Variants in CDYL observed in about 807,000 individuals in gnomAD.
CDYL encodes chromodomain Y like, also known as chromodomain Y-like protein.
Under a neutral mutation model 47.3 loss-of-function variants are expected in CDYL, and 8 were observed. The ratio of observed to expected loss-of-function variants is 0.17; its 90% CI spans 0.10 to 0.31. The LOEUF (loss-of-function observed/expected upper bound fraction) is 0.31, where lower values mean the gene tolerates loss of function less well. Among genes scored for constraint, CDYL ranks in the 10% least tolerant of loss-of-function variants. The pLI, the probability that CDYL is intolerant of heterozygous loss-of-function variation, is 1.00. For missense variants in CDYL, 471 were observed against 701.4 expected, an observed-to-expected ratio of 0.67 and a Z score of 3.71; for synonymous variants, 266 against 265.0, an observed-to-expected ratio of 1.00 and a Z score of -0.04.
chr6:4,862,645 A>G (rs1226057667), intron 1 of CDYL, among the ~76,000 whole-genome samples: 2 of 152,240 alleles, frequency 1.3e-5, no homozygotes, highest in African/African-American at 4.8e-5. Context: ...TAGGTCTACA[A>G]CATTTTCACA....
At chr6:4,817,432 C>T (rs534379420) in intron 1 of CDYL, among the ~76,000 whole-genome samples, 50 of 142,304 alleles carry the variant, frequency 3.5e-4, no homozygotes, top group African/African-American at 1.5e-3. Flanking sequence ...CTCCCACCGG[C>T]AGTACCTGAG....
upstream of CDYL, chr6:4,772,830 C>T (rs777399583): frequency 5.4e-5 from 16 of 293,642 alleles, no homozygotes; most frequent in Non-Finnish European, 1.0e-4. Flanking sequence ...CACAGCTACC[C>T]AACCATAAAA....
intron 3 of CDYL, among the ~76,000 whole-genome samples, chr6:4,750,552 A>C (rs1419390171): frequency 6.6e-6 from 1 of 152,066 alleles, no homozygotes; most frequent in Non-Finnish European, 1.5e-5. Flanking sequence ...AGGTAGTCTC[A>C]GCTACTCAGG....
chr6:4,854,069 G>C (rs1256791255), intron 1 of CDYL, among the ~76,000 whole-genome samples: 1 of 152,188 alleles, frequency 6.6e-6, no homozygotes, highest in Non-Finnish European at 1.5e-5. Flanking sequence ...CGTGTCCCTG[G>C]GGGTGTAGTT....
At chr6:4,763,099 A>G (rs62384845) in intron 3 of CDYL, among the ~76,000 whole-genome samples, 12,995 of 152,232 alleles carry the variant, frequency 0.085, 606 homozygotes, top group South Asian at 0.14. Context: ...AATGGAAACA[A>G]TTGAAAGTAG....
At chr6:4,716,636 C>T (rs963265115) in intron 2 of CDYL, among the ~76,000 whole-genome samples, 7 of 137,746 alleles carry the variant, frequency 5.1e-5, no homozygotes, top group African/African-American at 8.4e-5. Flanking sequence ...CTAAGGGATG[C>T]CTGAATTCTT....
chr6:4,712,422 G>A (rs1757167889), intron 1 of CDYL, among the ~76,000 whole-genome samples: 1 of 152,224 alleles, frequency 6.6e-6, no homozygotes, highest in Non-Finnish European at 1.5e-5. Context: ...GTGGCCAGCG[G>A]AGTGAGAAAG....
intron 1 of CDYL, among the ~76,000 whole-genome samples, chr6:4,788,988 G>T (rs951510855): frequency 1.3e-5 from 2 of 152,104 alleles, no homozygotes; most frequent in Non-Finnish European, 2.9e-5. Context: ...TACATGGCGG[G>T]CCAGGTGCTG....
At chr6:4,855,848 A>G (rs1409564576) in intron 1 of CDYL, among the ~76,000 whole-genome samples, 3 of 152,204 alleles carry the variant, frequency 2.0e-5, no homozygotes, top group Admixed American at 6.5e-5. Flanking sequence ...AGCTCTCACT[A>G]TGCAGAGTGG....
intron 1 of CDYL, among the ~76,000 whole-genome samples, chr6:4,878,047 A>G (rs751826695): frequency 3.3e-5 from 5 of 151,994 alleles, no homozygotes; most frequent in Non-Finnish European, 4.4e-5. Context: ...TTCTATTCTC[A>G]TAGTATGGTG....
At chr6:4,802,464 A>G (rs953005878) in intron 1 of CDYL, among the ~76,000 whole-genome samples, 5 of 152,146 alleles carry the variant, frequency 3.3e-5, no homozygotes, top group Admixed American at 3.3e-4. Flanking sequence ...ACCTGATCCC[A>G]GGAGGTTGAG....
chr6:4,799,357 A>C (rs1255271912), intron 1 of CDYL, among the ~76,000 whole-genome samples: 2 of 152,194 alleles, frequency 1.3e-5, no homozygotes, highest in Non-Finnish European at 2.9e-5. Context: ...TGTGTATTTG[A>C]AAAGATTATA....
Position 4,952,404 on chromosome 6 carries a change from C to A in CDYL, c.1471C>A (p.Pro491Thr). The change falls in exon 6 of 7, where the codon CCA (proline) becomes ACA (threonine). Residue 491 changes from proline to threonine, a missense_variant. Physicochemically the swap from Pro to Thr is conservative, Grantham distance 38 (BLOSUM62 -1). Around this residue, in one of 3 missense-constraint regions of CDYL, gnomAD observed 57 missense variants for 74.3 expected, o/e 0.77. Transcript: ENST00000397588. ...CATTAAGGAGCTTGCCTCGTGCAAT[C>A]CAGTTGTATGTCTAATTGCTTCTGT... Reference protein sequence around the residue: ...VRIKELASCNPVVLEESKALV... With the variant: ...VRIKELASCNTVVLEESKALV... 1 of 1,611,806 alleles carries A rather than the reference C, an allele frequency of 6.2e-7. No individual in the cohort carries two copies. The highest frequency in any genetic ancestry group is 1.7e-4 in the Middle Eastern group (1 of 6,046).
chr6:4,748,656 G>GACACACACACAC (rs111349102), intron 3 of CDYL, among the ~76,000 whole-genome samples: 1,479 of 146,128 alleles, frequency 0.01, 10 homozygotes, highest in South Asian at 0.026. Flanking sequence ...TGATGGCAAA[G>GACACACACACAC]ACACACACAC....
chr6:4,897,076 T>C (rs1762305737), intron 2 of CDYL, among the ~76,000 whole-genome samples: 1 of 152,256 alleles, frequency 6.6e-6, no homozygotes, highest in Non-Finnish European at 1.5e-5. Context: ...TCTCTATCAA[T>C]GTTTAATGGT....
chr6:4,829,577 C>G (rs1385933705), intron 1 of CDYL, among the ~76,000 whole-genome samples: 1 of 152,210 alleles, frequency 6.6e-6, no homozygotes, highest in East Asian at 1.9e-4. Flanking sequence ...CTTACACCCA[C>G]ATGCTTTAGA....
At chr6:4,854,188 C>T (rs1208842418) in intron 1 of CDYL, among the ~76,000 whole-genome samples, 3 of 152,224 alleles carry the variant, frequency 2.0e-5, no homozygotes, top group African/African-American at 4.8e-5. Context: ...TGTTAACCCT[C>T]GAGACCTGTG....
intron 2 of CDYL, among the ~76,000 whole-genome samples, chr6:4,923,206 T>C (rs1364988347): frequency 6.6e-6 from 1 of 152,206 alleles, no homozygotes; most frequent in Non-Finnish European, 1.5e-5. Context: ...ATCTGTTAAC[T>C]GACCTTTGAC....
chr6:4,809,912 T>G, intron 1 of CDYL, among the ~76,000 whole-genome samples: 1 of 149,158 alleles, frequency 6.7e-6, no homozygotes, highest in Non-Finnish European at 1.5e-5. Flanking sequence ...TTGGCGATAC[T>G]TTGTATGGTA....
Sources: gnomAD v4.1 joint callset for allele counts (sites outside exome capture counted in the v4.1 genomes callset) on GRCh38, gnomAD v4.1.1 for gene constraint, gnomAD v4.1.1 regional missense constraint, MANE v1.5 for transcripts, NCBI Gene and HGNC (gene_info 2026-07-23, HGNC 2026-07-21) for gene names.